The following CDCP2 variants were observed in gnomAD, a reference collection of about 807,000 sequenced individuals.
CDCP2 encodes CUB domain containing protein 2.
CDCP2 carries 31 observed loss-of-function variants against 31.0 expected under a neutral mutation model. That is an observed-to-expected ratio of 1.00 (90% CI 0.75 to 1.35). The LOEUF is 1.35. Among genes scored for constraint, CDCP2 ranks in the 40% most tolerant of loss-of-function variants. The pLI is 0.00. For synonymous variants in CDCP2, 206 were observed against 207.9 expected, an observed-to-expected ratio of 0.99 and a Z score of 0.08; for missense variants, 443 against 482.6, an observed-to-expected ratio of 0.92 and a Z score of 0.77.
At chr1:54,144,856 C>T in intron 1 of CDCP2, 43 bp from the exon 2 acceptor site, 1 of 1,503,366 alleles carries the variant, frequency 6.7e-7, no homozygotes, top group Non-Finnish European at 9.0e-7. Flanking sequence ...GTGCTGGGGT[C>T]TTGGGTACAT....
intron 5 of CDCP2, among the ~76,000 whole-genome samples, chr1:54,133,842 G>T (rs1659211312): frequency 6.6e-6 from 1 of 150,768 alleles, no homozygotes. Context: ...CTTGCAGTGA[G>T]CTGAGATCGA....
chr1:54,133,575 C>A (rs1350884640), intron 5 of CDCP2, among the ~76,000 whole-genome samples: 1 of 152,162 alleles, frequency 6.6e-6, no homozygotes, highest in African/African-American at 2.4e-5. Flanking sequence ...TTAATTCTCA[C>A]AACAATGTTC....
intron 1 of CDCP2, among the ~76,000 whole-genome samples, chr1:54,148,631 G>A (rs530050642): frequency 1.8e-4 from 28 of 151,808 alleles, no homozygotes; most frequent in Admixed American, 1.1e-3. Flanking sequence ...GTAATTCCAT[G>A]AGGACATATT....
chr1:54,134,225 C>T (rs999615834), intron 5 of CDCP2, among the ~76,000 whole-genome samples: 4 of 152,236 alleles, frequency 2.6e-5, no homozygotes, highest in African/African-American at 4.8e-5. Context: ...GCTTTGTCCC[C>T]GGTGCTGTAT....
At chr1:54,140,050 G>A in exon 4 of CDCP2, 5 of 1,613,738 alleles carry the variant, frequency 3.1e-6, no homozygotes, top group Non-Finnish European at 4.2e-6. Flanking sequence ...TAGGAGCTGG[G>A]GTACTGTGGG....
chr1:54,144,798 C>A (rs532810789), exon 2 of CDCP2: 5 of 1,610,538 alleles, frequency 3.1e-6, no homozygotes, highest in Non-Finnish European at 4.2e-6. Flanking sequence ...TGAGAGCACA[C>A]CCCCACATTT....
chr1:54,148,229 T>TA (rs1409064994), intron 1 of CDCP2, among the ~76,000 whole-genome samples: 1 of 150,566 alleles, frequency 6.6e-6, no homozygotes, highest in Non-Finnish European at 1.5e-5. Flanking sequence ...GCCAGGCAAA[T>TA]AAAAATTTTT....
rs58882302 is a variant in CDCP2 at position 54,133,922 on chromosome 1, C to CAAAAACAAAAAAAAA, written c.1297-629_1297-628insTTTTTTTTTGTTTTT. On this transcript the variant is annotated intron_variant, in intron 5 of 5. Transcript: ENST00000530059. ...AAAACAAACAAACAAACAAAAAAAACCCCATGTTACAGAGGAGGAAACTAA... is the reference window on the plus strand; with the variant it reads ...AAAACAAACAAACAAACAAAAAAAACAAAAACAAAAAAAAACCCATGTTACAGAGGAGGAAACTAA... 9.4e-5 allele frequency among the ~76,000 whole-genome samples: 14 copies of CAAAAACAAAAAAAAA among 148,682 alleles called. No homozygotes were observed. In the South Asian group the frequency reaches 2.8e-3, roughly 30 times the overall value.
chr1:54,140,076 C>T lies in CDCP2; in HGVS notation c.794G>A (p.Arg265Gln), dbSNP rs760062347. The T allele has an allele frequency of 1.2e-5, 19 of 1,613,334 alleles. No individual in the cohort carries two copies. The highest frequency in any genetic ancestry group is 5.5e-5 in the South Asian group (5 of 91,082). Residue 265 changes from arginine (R) to glutamine (Q), a missense_variant, in exon 4 of 6, where the codon CGG (arginine) becomes CAG (glutamine). Transcript: ENST00000530059. ...GTACTGTGGGCTGGAGAAGTTGCCC[C>T]GCATGGCCATGTATACCTCCTGGCA... is the stretch of plus-strand genomic sequence containing the variant.
chr1:54,139,612 G>A, intron 4 of CDCP2, 141 bp downstream of exon 4: 1 of 1,598,584 alleles, frequency 6.3e-7, no homozygotes, highest in Non-Finnish European at 8.5e-7. Context: ...CAAGGGTGTA[G>A]CCAATGGAGA....
chr1:54,144,632 A>G lies in CDCP2; in HGVS notation c.261T>C (p.Phe87=), dbSNP rs200942058. 53 of 1,612,872 alleles carry G rather than the reference A, an allele frequency of 3.3e-5. No homozygotes were observed. In the Admixed American group the frequency reaches 3.8e-4, roughly 12 times the overall value. The change falls in exon 2 of 6, where the codon TTT becomes TTC. Residue 87 remains phenylalanine (F), a synonymous_variant. Coordinates refer to ENST00000530059, the Ensembl canonical transcript of CDCP2. ...GTGAGGCCCCATTGTAGATCTCCAG[A>G]AAGTCGAAGCTGCAGGTGTCGTGGT... is the stretch of plus-strand genomic sequence containing the variant.
rs1553174438 is a variant in CDCP2 at position 54,148,974 on chromosome 1, A to AATATAT, written c.79+3864_79+3869dup. 6.1e-4 allele frequency among the ~76,000 whole-genome samples: 89 copies of AATATAT among 146,282 alleles called. 2 individuals are homozygous for AATATAT. Among genetic ancestry groups the AATATAT allele is most frequent in the Non-Finnish European group, 1.0e-3 (68 of 66,956 alleles). On this transcript the variant is annotated intron_variant, in intron 1 of 5. Transcript: ENST00000530059. ...GAACAAATGAATTGTTTAAAAAAAA[A>AATATAT]ATATATATATATATAATATATAATA...
At chr1:54,134,625 G>A (rs183122148) in intron 5 of CDCP2, among the ~76,000 whole-genome samples, 3 of 152,324 alleles carry the variant, frequency 2.0e-5, no homozygotes, top group Non-Finnish European at 2.9e-5. Context: ...CACAGTAGCC[G>A]TGAATAGTAG....
At chr1:54,152,867 C>A in exon 1 of CDCP2, 1 of 1,614,218 alleles carries the variant, frequency 6.2e-7, no homozygotes, top group East Asian at 2.2e-5. Flanking sequence ...GGCCTGGAGC[C>A]CTGGGCCCAG....
At chr1:54,144,680 G>A (rs1557708125) in exon 2 of CDCP2, 4 of 1,614,252 alleles carry the variant, frequency 2.5e-6, no homozygotes, top group Non-Finnish European at 1.7e-6. Flanking sequence ...AGGCATGGAA[G>A]GTGAGCAGCA....
intron 5 of CDCP2, among the ~76,000 whole-genome samples, chr1:54,134,774 T>C (rs528729865): frequency 1.5e-4 from 23 of 151,714 alleles, no homozygotes; most frequent in African/African-American, 4.4e-4. Flanking sequence ...CTTGCTCTGT[T>C]GCCCAGGCTG....
intron 4 of CDCP2, 104 bp downstream of exon 4, chr1:54,139,649 G>GGA: frequency 1.2e-6 from 2 of 1,613,478 alleles, no homozygotes; most frequent in Non-Finnish European, 1.7e-6. Flanking sequence ...CATTCATGGG[G>GGA]GGGGCAGGAC....
chr1:54,132,805 T>C, downstream of CDCP2: 3 of 397,262 alleles, frequency 7.6e-6, no homozygotes, highest in Non-Finnish European at 1.3e-5. Context: ...ATGCCAGCCC[T>C]GTGAGATAGC....
intron 3 of CDCP2, chr1:54,140,802 AG>A: frequency 3.3e-6 from 1 of 299,406 alleles, no homozygotes. Context: ...TCAGTCAGAC[AG>A]GGGAGATTGA....
Sources: allele counts gnomAD v4.1 joint callset (sites outside exome capture counted in the v4.1 genomes callset), GRCh38; gene constraint gnomAD v4.1.1; transcripts MANE v1.5; gene names NCBI Gene and HGNC (gene_info 2026-07-23, HGNC 2026-07-21).